The following PPIL6 variants were observed in gnomAD, a reference collection of about 807,000 sequenced individuals.
PPIL6 encodes the protein probable inactive peptidyl-prolyl cis-trans isomerase-like 6.
A neutral mutation model predicts 36.8 loss-of-function variants in PPIL6; 39 were observed. That is an observed-to-expected ratio of 1.06 (90% CI 0.82 to 1.38). The LOEUF is 1.38. Ranked by LOEUF, PPIL6 falls within the 40% of genes most tolerant of loss-of-function variation. The pLI is 0.00. For synonymous variants in PPIL6, 123 were observed against 134.1 expected (o/e 0.92, Z 0.57); for missense variants, 368 against 379.1 (o/e 0.97, Z 0.24).
intron 5 of PPIL6, among the ~76,000 whole-genome samples, chr6:109,421,084 C>T (rs1773520135): frequency 6.6e-6 from 1 of 152,204 alleles, no homozygotes; most frequent in Admixed American, 6.5e-5. Context: ...GAAATCCACC[C>T]AGGTGGTCTT....
At chr6:109,402,530 G>A (rs767910310) in intron 6 of PPIL6, among the ~76,000 whole-genome samples, 22 of 150,410 alleles carry the variant, frequency 1.5e-4, no homozygotes, top group Non-Finnish European at 2.2e-4. Context: ...AGAAAGACTC[G>A]GTCTCAAGAA....
intron 5 of PPIL6, among the ~76,000 whole-genome samples, 163 bp from the exon 6 acceptor site, chr6:109,419,406 C>T (rs1351208821): frequency 6.6e-6 from 1 of 150,742 alleles, no homozygotes. Flanking sequence ...CATAATGAGA[C>T]TCCATCTCGA....
intron 7 of PPIL6, among the ~76,000 whole-genome samples, chr6:109,398,039 G>A (rs1239268932): frequency 1.3e-5 from 2 of 151,908 alleles, no homozygotes; most frequent in Non-Finnish European, 1.5e-5. Context: ...CTACAGGTGT[G>A]TGCCACCATG....
rs535185208 is a variant in PPIL6 at position 109,430,910 on chromosome 6, A to G, written c.420+247T>C. ...TTAAAATAGGTAATTCATGCATATA[A>G]ATCTCTAATGGGAAGTAAAAATGTC... On this transcript the variant is annotated intron_variant, in intron 3 of 7. Coordinates refer to ENST00000521072, the MANE Select transcript of PPIL6 (RefSeq NM_173672.5). 7.2e-5 allele frequency among the ~76,000 whole-genome samples: 11 copies of G among 152,304 alleles called. No homozygotes were observed. In the South Asian group the frequency reaches 2.3e-3, roughly 32 times the overall value.
chr6:109,441,102 G>GCCCCTGGAGCT, upstream of PPIL6: 2 of 1,613,990 alleles, frequency 1.2e-6, no homozygotes, highest in South Asian at 2.2e-5. Flanking sequence ...GCCGCCTAGC[G>GCCCCTGGAGCT]CCCCTGGAGC....
At chr6:109,423,285 T>C (rs1210416638) in intron 5 of PPIL6, among the ~76,000 whole-genome samples, 3 of 152,178 alleles carry the variant, frequency 2.0e-5, no homozygotes, top group East Asian at 3.8e-4. Context: ...GAGGATCACT[T>C]GAACCCCAGA....
At chr6:109,414,239 T>C (rs1773139717) in intron 6 of PPIL6, among the ~76,000 whole-genome samples, 1 of 152,176 alleles carries the variant, frequency 6.6e-6, no homozygotes, top group Admixed American at 6.5e-5. Context: ...ACCTACTATG[T>C]ACCCACAAAA....
chr6:109,415,496 A>G (rs1388118174), intron 6 of PPIL6, among the ~76,000 whole-genome samples: 1 of 152,104 alleles, frequency 6.6e-6, no homozygotes, highest in Non-Finnish European at 1.5e-5. Context: ...TTTCTCCAAG[A>G]TCCATATCTT....
At chr6:109,395,810 TG>T (rs1302269697) in intron 7 of PPIL6, among the ~76,000 whole-genome samples, 1 of 150,582 alleles carries the variant, frequency 6.6e-6, no homozygotes, top group Non-Finnish European at 1.5e-5. Flanking sequence ...TTTACCATGT[TG>T]GCCAGGATGG....
At chr6:109,393,033 A>AC in intron 7 of PPIL6, 96 bp from the exon 8 acceptor site, 1 of 681,766 alleles carries the variant, frequency 1.5e-6, no homozygotes, top group Non-Finnish European at 2.6e-6. Context: ...TATAGCTAAG[A>AC]CTATTTCCTA....
Position 109,398,325 on chromosome 6 carries a change from T to C in PPIL6, c.824+1710A>G, listed in dbSNP as rs147445198. Among the ~76,000 whole-genome samples the C allele has an allele frequency of 5.9e-3, 901 of 152,358 alleles. 2 individuals carry two copies. Among genetic ancestry groups the C allele is most frequent in the Non-Finnish European group, 9.4e-3 (638 of 68,032 alleles). Reference sequence around the variant, plus strand: ...TATCTCTTTAAAGATATCCTATGGATGAAAATACACTTTCTATTTTTTCAA... The same window carrying C: ...TATCTCTTTAAAGATATCCTATGGACGAAAATACACTTTCTATTTTTTCAA... On this transcript the variant is annotated intron_variant, in intron 7 of 7. Coordinates refer to ENST00000521072, the MANE Select transcript of PPIL6 (RefSeq NM_173672.5).
At chr6:109,395,331 C>T (rs1562253406) in intron 7 of PPIL6, among the ~76,000 whole-genome samples, 1 of 151,558 alleles carries the variant, frequency 6.6e-6, no homozygotes, top group Non-Finnish European at 1.5e-5. Flanking sequence ...TGCTTAAACC[C>T]GGGAGGCAGA....
At chr6:109,416,838 C>T (rs535875386) in intron 6 of PPIL6, among the ~76,000 whole-genome samples, 19 of 152,126 alleles carry the variant, frequency 1.2e-4, no homozygotes, top group African/African-American at 4.3e-4. Context: ...CATCCTGTGC[C>T]CACATAAAAG....
chr6:109,405,619 T>C (rs148806790), intron 6 of PPIL6, among the ~76,000 whole-genome samples: 4 of 152,322 alleles, frequency 2.6e-5, no homozygotes, highest in Non-Finnish European at 4.4e-5. Flanking sequence ...TTGTACATTA[T>C]GGATTTCGCC....
At chr6:109,440,908 G>T, upstream of PPIL6, 1 of 570,614 alleles carries the variant, frequency 1.8e-6, no homozygotes, top group South Asian at 2.2e-5. Context: ...GCCTTTCCGG[G>T]TTGGCGGCCC....
At chr6:109,412,926 G>A (rs1773076909) in intron 6 of PPIL6, among the ~76,000 whole-genome samples, 2 of 152,210 alleles carry the variant, frequency 1.3e-5, no homozygotes, top group Admixed American at 6.5e-5. Context: ...TTGGGAGGCT[G>A]AGGCAGGTGG....
intron 6 of PPIL6, among the ~76,000 whole-genome samples, chr6:109,401,775 A>C (rs1772552865): frequency 1.4e-5 from 2 of 145,774 alleles, no homozygotes; most frequent in South Asian, 4.5e-4. Context: ...CCCAGGCTGG[A>C]GTGCAGTGGC....
chr6:109,394,125 CTT>C (rs1772202875), intron 7 of PPIL6, among the ~76,000 whole-genome samples: 1 of 152,036 alleles, frequency 6.6e-6, no homozygotes, highest in Non-Finnish European at 1.5e-5. Context: ...AATCCCAGCA[CTT>C]TGGGAGGCCA....
intron 6 of PPIL6, among the ~76,000 whole-genome samples, chr6:109,408,141 G>A (rs992466710): frequency 2.0e-5 from 3 of 152,154 alleles, no homozygotes; most frequent in Admixed American, 6.5e-5. Flanking sequence ...ATAAACCTGT[G>A]TGCCCTTTAT....
Sources: gnomAD v4.1 joint callset for allele counts (sites outside exome capture counted in the v4.1 genomes callset) on GRCh38, gnomAD v4.1.1 for gene constraint, MANE v1.5 for transcripts, NCBI Gene and HGNC (gene_info 2026-07-23, HGNC 2026-07-21) for gene names.